The following RBFOX1 variants were observed in gnomAD, a reference collection of about 807,000 sequenced individuals.
RBFOX1 encodes the protein RNA binding protein fox-1 homolog 1.
Under a neutral mutation model 57.7 loss-of-function variants are expected in RBFOX1, and 8 were observed. The observed-to-expected ratio is 0.14, with a 90% CI of 0.08 to 0.25. The LOEUF (loss-of-function observed/expected upper bound fraction) is 0.25. RBFOX1 is among the 10% of genes least tolerant of loss of function. RBFOX1 has a pLI of 1.00. For synonymous variants in RBFOX1, 326 were observed against 222.4 expected (o/e 1.47, Z -4.15); for missense variants, 611 against 548.5 (o/e 1.11, Z -1.14).
intron 1 of RBFOX1, among the ~76,000 whole-genome samples, chr16:6,139,454 A>T (rs539357926): frequency 6.6e-6 from 1 of 152,100 alleles, no homozygotes; most frequent in Non-Finnish European, 1.5e-5. Flanking sequence ...ATCTCTTACA[A>T]CCTGCCCATT....
intron 10 of RBFOX1, 103 bp downstream of exon 10, chr16:7,607,441 T>C: frequency 1.9e-6 from 2 of 1,049,816 alleles, no homozygotes; most frequent in Non-Finnish European, 2.9e-6. Context: ...GCAAGTGAAT[T>C]CCTATCCTAA....
At chr16:7,388,118 T>A (rs989379413) in intron 4 of RBFOX1, among the ~76,000 whole-genome samples, 21 of 152,118 alleles carry the variant, frequency 1.4e-4, no homozygotes, top group African/African-American at 4.8e-4. Flanking sequence ...ACATAATCAG[T>A]GTTTATTGTG....
intron 4 of RBFOX1, among the ~76,000 whole-genome samples, chr16:7,320,047 T>A (rs1450876466): frequency 6.6e-6 from 1 of 152,162 alleles, no homozygotes; most frequent in Non-Finnish European, 1.5e-5. Context: ...TTAATCTGTT[T>A]TTTTGAAAGT....
At chr16:6,343,026 T>G (rs752511694) in intron 2 of RBFOX1, among the ~76,000 whole-genome samples, 3 of 152,188 alleles carry the variant, frequency 2.0e-5, no homozygotes, top group Non-Finnish European at 4.4e-5. Context: ...CATCTGATAG[T>G]CATTTCTGAT....
chr16:7,225,540 A>G (rs1217776466), intron 4 of RBFOX1, among the ~76,000 whole-genome samples: 1 of 151,884 alleles, frequency 6.6e-6, no homozygotes, highest in Non-Finnish European at 1.5e-5. Context: ...AGTCTCAAGT[A>G]TGTCTTTATT....
At chr16:5,388,225 A>G (rs1410382113) in intron 1 of RBFOX1, among the ~76,000 whole-genome samples, 2 of 152,168 alleles carry the variant, frequency 1.3e-5, no homozygotes, top group African/African-American at 4.8e-5. Flanking sequence ...AGAGGCAGCC[A>G]GGGGTCTCTG....
chr16:6,070,745 A>G (rs1159032519), intron 1 of RBFOX1, among the ~76,000 whole-genome samples: 2 of 152,038 alleles, frequency 1.3e-5, no homozygotes, highest in African/African-American at 4.8e-5. Context: ...ATTCATAATA[A>G]ATGTATTTTT....
chr16:5,306,174 C>A (rs548161382), intron 1 of RBFOX1, among the ~76,000 whole-genome samples: 1 of 152,148 alleles, frequency 6.6e-6, no homozygotes, highest in South Asian at 2.1e-4. Flanking sequence ...GCACTCCAGC[C>A]TGGGCGCATA....
chr16:6,740,436 AT>A (rs1334315910), intron 3 of RBFOX1, among the ~76,000 whole-genome samples: 8 of 152,198 alleles, frequency 5.3e-5, no homozygotes, highest in Admixed American at 3.3e-4. Context: ...ACAGATTAAA[AT>A]AAAGAAATAA....
At chr16:6,677,512 T>A (rs1276782258) in intron 3 of RBFOX1, among the ~76,000 whole-genome samples, 1 of 152,168 alleles carries the variant, frequency 6.6e-6, no homozygotes, top group Non-Finnish European at 1.5e-5. Flanking sequence ...AATTAAGAAT[T>A]CCATATCAAA....
At chr16:7,638,212 C>T (rs1188909838) in intron 11 of RBFOX1, among the ~76,000 whole-genome samples, 3 of 152,194 alleles carry the variant, frequency 2.0e-5, no homozygotes, top group Admixed American at 6.5e-5. Context: ...TTATTGGGCA[C>T]TCACTATATG....
intron 3 of RBFOX1, among the ~76,000 whole-genome samples, chr16:6,900,399 A>AT (rs1484766814): frequency 5.9e-5 from 9 of 152,172 alleles, no homozygotes; most frequent in Non-Finnish European, 1.2e-4. Context: ...AAGGAAAAAG[A>AT]TTTTGAAACA....
At chr16:7,047,883 A>G (rs2048576315) in intron 3 of RBFOX1, among the ~76,000 whole-genome samples, 1 of 150,682 alleles carries the variant, frequency 6.6e-6, no homozygotes, top group Non-Finnish European at 1.5e-5. Context: ...GTTTTAATTA[A>G]TTAATTATTT....
intron 1 of RBFOX1, among the ~76,000 whole-genome samples, chr16:5,420,451 C>A (rs532477849): frequency 7.9e-5 from 12 of 152,188 alleles, no homozygotes; most frequent in Non-Finnish European, 8.8e-5. Flanking sequence ...TACAGTCATA[C>A]ACACACACTC....
intron 1 of RBFOX1, among the ~76,000 whole-genome samples, chr16:5,266,895 C>G (rs1200975157): frequency 6.6e-6 from 1 of 151,918 alleles, no homozygotes; most frequent in Non-Finnish European, 1.5e-5. Flanking sequence ...CTGTGTTGAC[C>G]TCTTCTATGT....
chr16:7,089,812 T>C (rs377068668), intron 4 of RBFOX1, among the ~76,000 whole-genome samples: 3 of 152,326 alleles, frequency 2.0e-5, no homozygotes, highest in Admixed American at 6.5e-5. Context: ...GCTACATGGC[T>C]TTATTAACTG....
intron 4 of RBFOX1, among the ~76,000 whole-genome samples, chr16:5,969,298 C>CTTT (rs71142659): frequency 0.02 from 1,681 of 83,676 alleles, 2 homozygotes; most frequent in Non-Finnish European, 0.023. Flanking sequence ...TTCGGTTGTT[C>CTTT]TTTTTTTTTT....
At chr16:6,733,855 G>T (rs181135261) in intron 3 of RBFOX1, among the ~76,000 whole-genome samples, 1 of 152,188 alleles carries the variant, frequency 6.6e-6, no homozygotes, top group East Asian at 1.9e-4. Context: ...CAGAGCTGAC[G>T]TTCACCCAGA....
At position 6,943,708 on chromosome 16, in the gene RBFOX1, TAA is replaced by T. The variant is rs35455385; in HGVS notation, c.-15-108331_-15-108330del. On this transcript the variant is annotated intron_variant, in intron 3 of 15. Transcript: ENST00000550418. ...GGGCGAGAGAGTGAGACTCTGTCTT[TAA>T]AAAAAAAAAAAAAAAAAGTATTCGC... 4.3e-3 allele frequency among the ~76,000 whole-genome samples: 577 copies of T among 133,880 alleles called. 6 individuals are homozygous for T. Among genetic ancestry groups the T allele is most frequent in the East Asian group, 0.041 (189 of 4,592 alleles). 87.8% of individuals were successfully genotyped at this position (133,880 alleles called of 152,430 possible). A position where few individuals can be genotyped will look rare whatever the true frequency, so the allele number is the denominator to read the frequency against.
Sources: gnomAD v4.1 joint callset for allele counts (sites outside exome capture counted in the v4.1 genomes callset) on GRCh38, gnomAD v4.1.1 for gene constraint, MANE v1.5 for transcripts, NCBI Gene and HGNC (gene_info 2026-07-23, HGNC 2026-07-21) for gene names.